Variants in RAB38 observed in about 807,000 individuals in gnomAD.
The protein encoded by RAB38 is ras-related protein Rab-38.
Under a neutral mutation model 18.4 loss-of-function variants are expected in RAB38, and 15 were observed. The observed-to-expected ratio is 0.82, with a 90% CI of 0.55 to 1.26. The LOEUF (loss-of-function observed/expected upper bound fraction) is 1.26, where lower values mean the gene tolerates loss of function less well. RAB38 is among the 50% of genes most tolerant of loss of function. The probability of loss-of-function intolerance (pLI) is 0.00; values close to 1 mark genes in which losing one functional copy is unlikely to be tolerated. For synonymous variants in RAB38, 101 were observed against 104.4 expected (o/e 0.97, Z 0.20); for missense variants, 294 against 267.4 (o/e 1.10, Z -0.69).
chr11:88,107,559 CAAA>C, the RAB38 span, among the ~76,000 whole-genome samples: 2 of 150,856 alleles, frequency 1.3e-5, no homozygotes, highest in African/African-American at 4.9e-5. Context: ...TTAATCTTTT[CAAA>C]AAAAAAAATA....
At chr11:88,119,205 G>A (rs1294728736) in intron 2 of RAB38, among the ~76,000 whole-genome samples, 4 of 151,976 alleles carry the variant, frequency 2.6e-5, no homozygotes, top group African/African-American at 7.3e-5. Context: ...GGTCTGACAT[G>A]GGGCCCTACC....
At chr11:87,930,134 C>T in the RAB38 span, among the ~76,000 whole-genome samples, 26 of 151,944 alleles carry the variant, frequency 1.7e-4, no homozygotes, top group Non-Finnish European at 3.4e-4. Flanking sequence ...CCTGAGGAAT[C>T]GCCACACTGA....
chr11:87,868,544 G>A, the RAB38 span, among the ~76,000 whole-genome samples: 4 of 140,384 alleles, frequency 2.8e-5, no homozygotes, highest in African/African-American at 1.1e-4. Context: ...AATGAAAGGT[G>A]ATCCAGATCA....
chr11:88,121,511 T>G (rs750637555), intron 2 of RAB38, among the ~76,000 whole-genome samples: 1 of 152,152 alleles, frequency 6.6e-6, no homozygotes, highest in Non-Finnish European at 1.5e-5. Flanking sequence ...TCCCTGAAAG[T>G]TTCACAAATG....
chr11:87,882,908 A>G, the RAB38 span, among the ~76,000 whole-genome samples: 1 of 151,912 alleles, frequency 6.6e-6, no homozygotes, highest in Non-Finnish European at 1.5e-5. Context: ...TTAAAATAGA[A>G]TGTACCATGT....
chr11:88,018,618 C>G, the RAB38 span, among the ~76,000 whole-genome samples: 1 of 152,148 alleles, frequency 6.6e-6, no homozygotes, highest in East Asian at 1.9e-4. Flanking sequence ...AGAGCCATCC[C>G]TTGGTATCCA....
chr11:88,046,292 A>G, the RAB38 span, among the ~76,000 whole-genome samples: 1 of 152,098 alleles, frequency 6.6e-6, no homozygotes, highest in South Asian at 2.1e-4. Flanking sequence ...CTGTCCTAAA[A>G]CCAGACAAGC....
the RAB38 span, among the ~76,000 whole-genome samples, chr11:87,822,956 A>C: frequency 2.0e-5 from 3 of 152,236 alleles, no homozygotes; most frequent in East Asian, 5.8e-4. Context: ...AAATTAGGGA[A>C]TTACTTTATA....
chr11:88,021,774 G>A, the RAB38 span, among the ~76,000 whole-genome samples: 1 of 142,612 alleles, frequency 7.0e-6, no homozygotes, highest in Non-Finnish European at 1.5e-5. Context: ...TAGAGGCAGG[G>A]TTTCACACTG....
At chr11:87,824,969 C>T in the RAB38 span, among the ~76,000 whole-genome samples, 1 of 151,630 alleles carries the variant, frequency 6.6e-6, no homozygotes, top group Non-Finnish European at 1.5e-5. Context: ...GAATGAAGAA[C>T]ACTTTTGAAA....
chr11:88,140,444 T>C (rs1046785070), intron 2 of RAB38, among the ~76,000 whole-genome samples: 16 of 152,224 alleles, frequency 1.1e-4, no homozygotes, highest in African/African-American at 3.9e-4. Context: ...AAAATATTCT[T>C]TTCCATCCAA....
the RAB38 span, among the ~76,000 whole-genome samples, chr11:87,829,860 A>G: frequency 6.6e-6 from 1 of 152,196 alleles, no homozygotes; most frequent in Non-Finnish European, 1.5e-5. Flanking sequence ...CTAATAGCAC[A>G]TATTAATTTA....
At chr11:87,867,388 G>A in the RAB38 span, among the ~76,000 whole-genome samples, 2 of 151,668 alleles carry the variant, frequency 1.3e-5, no homozygotes, top group Non-Finnish European at 3.0e-5. Flanking sequence ...CCATAAAGAA[G>A]GAAAGAATCC....
chr11:87,924,159 T>G, the RAB38 span, among the ~76,000 whole-genome samples: 2 of 151,994 alleles, frequency 1.3e-5, no homozygotes, highest in African/African-American at 4.8e-5. Context: ...ATGTGACTGA[T>G]GAGAGAAGGA....
the RAB38 span, among the ~76,000 whole-genome samples, chr11:88,044,506 T>C: frequency 7.2e-5 from 11 of 152,278 alleles, no homozygotes; most frequent in South Asian, 2.1e-3. Flanking sequence ...CTGAACACCT[T>C]ATTTTCTTCT....
intron 2 of RAB38, among the ~76,000 whole-genome samples, chr11:88,116,080 T>C (rs1942547606): frequency 6.6e-6 from 1 of 152,188 alleles, no homozygotes; most frequent in Non-Finnish European, 1.5e-5. Context: ...TCTGCCACTC[T>C]TCCTCTTCTT....
the RAB38 span, among the ~76,000 whole-genome samples, chr11:87,880,624 T>A: frequency 6.6e-6 from 1 of 151,858 alleles, no homozygotes; most frequent in South Asian, 2.1e-4. Flanking sequence ...AGTCACTTTG[T>A]ATTTTCAGTG....
chr11:88,118,734 C>G (rs536548475), intron 2 of RAB38, among the ~76,000 whole-genome samples: 2 of 152,260 alleles, frequency 1.3e-5, no homozygotes, highest in African/African-American at 2.4e-5. Flanking sequence ...TAAGGTAATG[C>G]GTGTTCTTCT....
downstream of RAB38, among the ~76,000 whole-genome samples, chr11:88,110,304 T>A (rs574317766): frequency 6.6e-6 from 1 of 151,738 alleles, no homozygotes; most frequent in South Asian, 2.1e-4. Flanking sequence ...TTCTCACTCA[T>A]AAGTGGGAGT....
Sources: allele counts gnomAD v4.1 joint callset (sites outside exome capture counted in the v4.1 genomes callset), GRCh38; gene constraint gnomAD v4.1.1; transcripts MANE v1.5; gene names NCBI Gene and HGNC (gene_info 2026-07-23, HGNC 2026-07-21).